The following FAT3 variants were observed in gnomAD, a reference collection of about 807,000 sequenced individuals.
The protein encoded by FAT3 is protocadherin Fat 3.
In FAT3, 95 loss-of-function variants were observed where a neutral mutation model predicts 310.2. That is an observed-to-expected ratio of 0.31 (90% confidence interval 0.26 to 0.36). The LOEUF (loss-of-function observed/expected upper bound fraction) is 0.36, where lower values mean the gene tolerates loss of function less well. Among genes scored for constraint, FAT3 ranks in the 10% least tolerant of loss-of-function variants. The probability of loss-of-function intolerance (pLI) is 1.00; values close to 1 mark genes in which losing one functional copy is unlikely to be tolerated. For missense variants in FAT3, 5,408 were observed against 5,715.6 expected, an observed-to-expected ratio of 0.95 and a Z score of 1.74; for synonymous variants, 2,314 against 2,192.9, an observed-to-expected ratio of 1.06 and a Z score of -1.54.
chr11:92,891,069 C>T lies in FAT3; in HGVS notation c.13726C>T (p.Leu4576Phe), dbSNP rs187159256. 3.1e-3 allele frequency: 5,039 copies of T among 1,613,784 alleles called. 11 individuals are homozygous for T. Among genetic ancestry groups the T allele is most frequent in the Non-Finnish European group, 3.6e-3 (4,243 of 1,179,818 alleles). Reference sequence around the variant, plus strand: ...CGTGGGAGAGCTCAGCCTCGCCAGCCTTCACATTCCCTTTGTGGAGACTCA... The same window carrying T: ...CGTGGGAGAGCTCAGCCTCGCCAGCTTTCACATTCCCTTTGTGGAGACTCA... ...ESVGELSLAS[L>F]HIPFVETQHQ... Residue 4576 changes from leucine (L) to phenylalanine (F), a missense_variant, in exon 28 of 28, where the codon CTT (leucine) becomes TTT (phenylalanine). Leu to Phe is a conservative substitution (Grantham distance 22). Transcript: ENST00000525166.
At chr11:92,755,624 C>G (rs1198370580) in intron 4 of FAT3, among the ~76,000 whole-genome samples, 3 of 152,182 alleles carry the variant, frequency 2.0e-5, no homozygotes, top group African/African-American at 7.2e-5. Context: ...ATACATATAT[C>G]AAAACGTCAT....
At chr11:92,323,197 T>C (rs1947671364) in intron 1 of FAT3, among the ~76,000 whole-genome samples, 1 of 151,996 alleles carries the variant, frequency 6.6e-6, no homozygotes, top group Admixed American at 6.6e-5. Flanking sequence ...TAATGAGCAG[T>C]AATATATATA....
intron 4 of FAT3, among the ~76,000 whole-genome samples, chr11:92,751,479 TTG>T (rs1405271371): frequency 3.3e-5 from 5 of 152,124 alleles, no homozygotes; most frequent in African/African-American, 1.2e-4. Context: ...AGAACAAATT[TTG>T]TGAGAGGGAG....
At chr11:92,765,907 GA>G (rs1278348884) in intron 6 of FAT3, among the ~76,000 whole-genome samples, 10 of 151,980 alleles carry the variant, frequency 6.6e-5, no homozygotes, top group African/African-American at 2.4e-4. Context: ...AATGGAAAAA[GA>G]AATTAAAATG....
chr11:92,560,804 G>C (rs1438807187), intron 3 of FAT3, among the ~76,000 whole-genome samples: 1 of 152,030 alleles, frequency 6.6e-6, no homozygotes, highest in Non-Finnish European at 1.5e-5. Flanking sequence ...GTTATTCATT[G>C]GTCAGTTTAT....
At chr11:92,504,101 G>C (rs191785913) in intron 2 of FAT3, among the ~76,000 whole-genome samples, 1 of 152,130 alleles carries the variant, frequency 6.6e-6, no homozygotes, top group Non-Finnish European at 1.5e-5. Context: ...AAGCTAACTA[G>C]TTGTAGTTTT....
At chr11:92,867,921 A>G (rs1345372728) in intron 22 of FAT3, among the ~76,000 whole-genome samples, 1 of 150,644 alleles carries the variant, frequency 6.6e-6, no homozygotes, top group African/African-American at 2.4e-5. Context: ...AAAAAAAAGC[A>G]AAAGATTTAT....
At chr11:92,504,769 A>G (rs1254014291) in intron 2 of FAT3, among the ~76,000 whole-genome samples, 2 of 152,072 alleles carry the variant, frequency 1.3e-5, no homozygotes, top group Non-Finnish European at 2.9e-5. Context: ...TTGCCTAGTG[A>G]TATGTGTATC....
chr11:92,578,982 A>G (rs1383073450), intron 3 of FAT3, among the ~76,000 whole-genome samples: 1 of 152,162 alleles, frequency 6.6e-6, no homozygotes. Context: ...GGTGACTGGA[A>G]TGGTATTACT....
At chr11:92,643,708 C>T (rs1357645572) in intron 3 of FAT3, among the ~76,000 whole-genome samples, 6 of 152,192 alleles carry the variant, frequency 3.9e-5, no homozygotes, top group South Asian at 2.1e-4. Flanking sequence ...GATCACTGCC[C>T]ATAAACACCC....
chr11:92,523,962 T>A (rs1046813920), intron 2 of FAT3, among the ~76,000 whole-genome samples: 2 of 151,966 alleles, frequency 1.3e-5, no homozygotes, highest in Admixed American at 1.3e-4. Context: ...TGGCTCAGAG[T>A]TTATTAGGGC....
intron 2 of FAT3, among the ~76,000 whole-genome samples, chr11:92,407,270 C>T (rs1339856046): frequency 6.6e-6 from 1 of 151,996 alleles, no homozygotes; most frequent in African/African-American, 2.4e-5. Context: ...TTTTTTTATT[C>T]CCCATTGTGA....
At chr11:92,628,162 C>T (rs915284490) in intron 3 of FAT3, among the ~76,000 whole-genome samples, 1 of 152,178 alleles carries the variant, frequency 6.6e-6, no homozygotes, top group Non-Finnish European at 1.5e-5. Context: ...CTGAGTAATG[C>T]ACATGTGCAC....
At chr11:92,685,924 G>A (rs1358389924) in intron 3 of FAT3, among the ~76,000 whole-genome samples, 2 of 152,122 alleles carry the variant, frequency 1.3e-5, no homozygotes, top group African/African-American at 4.8e-5. Flanking sequence ...TTATAAAGCA[G>A]TTATAAATAA....
intron 3 of FAT3, among the ~76,000 whole-genome samples, chr11:92,606,685 C>A (rs192348504): frequency 9.8e-5 from 15 of 152,328 alleles, no homozygotes; most frequent in African/African-American, 3.6e-4. Context: ...ATAATTAAAT[C>A]ACATCTTAGA....
At chr11:92,540,332 C>G (rs755542952) in intron 3 of FAT3, among the ~76,000 whole-genome samples, 16 of 152,176 alleles carry the variant, frequency 1.1e-4, no homozygotes, top group Non-Finnish European at 1.8e-4. Context: ...CCAAGCTTTA[C>G]TGCATTTATT....
chr11:92,317,505 T>A (rs1947495620), intron 1 of FAT3, among the ~76,000 whole-genome samples: 1 of 152,204 alleles, frequency 6.6e-6, no homozygotes, highest in African/African-American at 2.4e-5. Context: ...TAGAACTGGC[T>A]GTGCAAAAAA....
Position 92,801,179 on chromosome 11 carries a change from C to T in FAT3, c.8166C>T (p.Ala2722=). 4 of 1,613,894 alleles carry T rather than the reference C, an allele frequency of 2.5e-6. No homozygotes were observed. The highest frequency in any genetic ancestry group is 3.4e-6 in the Non-Finnish European group (4 of 1,179,866). Residue 2722 remains alanine (A), a synonymous_variant, in exon 10 of 28, where the codon GCC becomes GCT. Coordinates refer to ENST00000525166, the MANE Select transcript of FAT3 (RefSeq NM_001367949.2). ...CCTTTACCATTGCAGAAGATACAGC[C>T]ATTGGGAGTACAGTGGACACCCTGA... ...QYSFTIAEDT[A]IGSTVDTLRI...
At chr11:92,840,346 A>C (rs1948506242) in intron 17 of FAT3, among the ~76,000 whole-genome samples, 1 of 152,194 alleles carries the variant, frequency 6.6e-6, no homozygotes, top group South Asian at 2.1e-4. Flanking sequence ...TGTGGGAAGC[A>C]GCCAAAGATA....
Sources: gnomAD v4.1 joint callset for allele counts (sites outside exome capture counted in the v4.1 genomes callset) on GRCh38, gnomAD v4.1.1 for gene constraint, MANE v1.5 for transcripts, NCBI Gene and HGNC (gene_info 2026-07-23, HGNC 2026-07-21) for gene names.